Variants in PCDH15 observed in about 807,000 individuals in gnomAD.
The protein encoded by PCDH15 is protocadherin-15.
In PCDH15, 129 loss-of-function variants were observed where a neutral mutation model predicts 178.5. The observed-to-expected ratio is 0.72, with a 90% CI of 0.63 to 0.84. PCDH15 has a LOEUF of 0.84. PCDH15 is among the 40% of genes least tolerant of loss of function. PCDH15 has a pLI of 0.00. For synonymous variants in PCDH15, 800 were observed against 732.0 expected, an observed-to-expected ratio of 1.09 and a Z score of -1.50; for missense variants, 2,230 against 2,099.9, an observed-to-expected ratio of 1.06 and a Z score of -1.21.
chr10:54,877,095 A>G (rs960954661), intron 3 of PCDH15, among the ~76,000 whole-genome samples: 2 of 152,310 alleles, frequency 1.3e-5, no homozygotes, highest in South Asian at 2.1e-4. Flanking sequence ...ATACCTTCCA[A>G]TGACAAAAAG....
intron 21 of PCDH15, among the ~76,000 whole-genome samples, chr10:53,992,423 A>G (rs190182755): frequency 6.6e-6 from 1 of 152,336 alleles, no homozygotes; most frequent in East Asian, 1.9e-4. Flanking sequence ...TCTACTTTAA[A>G]CAAGAACCTT....
At chr10:54,275,323 T>C (rs920695850) in intron 8 of PCDH15, among the ~76,000 whole-genome samples, 1 of 151,924 alleles carries the variant, frequency 6.6e-6, no homozygotes, top group Admixed American at 6.6e-5. Flanking sequence ...CCAGTGATTC[T>C]TGAGGTAGAG....
rs185981773 is a variant in PCDH15 at position 54,034,620 on chromosome 10, T to C, written c.2221-11423A>G. On this transcript the variant is annotated intron_variant, in intron 18 of 37. Coordinates refer to ENST00000644397, the MANE Select transcript of PCDH15 (RefSeq NM_001384140.1). ...TGTTTCTCTATCTACTCCCTGGGAC[T>C]GCATTCAAAGAGCTAAGATGTACAC... Among the ~76,000 whole-genome samples the C allele has an allele frequency of 1.8e-4, 22 of 122,298 alleles. No homozygotes were observed. The Admixed American group carries it at 2.0e-3, about 11-fold the overall frequency. The allele number at this position is 122,298 out of a possible 152,430, so 80.2% of individuals were successfully genotyped here.
intron 3 of PCDH15, among the ~76,000 whole-genome samples, chr10:54,496,985 C>A (rs1425676114): frequency 6.6e-6 from 1 of 152,114 alleles, no homozygotes; most frequent in Admixed American, 6.6e-5. Flanking sequence ...GCAGTGCACT[C>A]TCCTGCAGTC....
intron 18 of PCDH15, among the ~76,000 whole-genome samples, chr10:54,057,279 C>T (rs2093914459): frequency 6.6e-6 from 1 of 152,248 alleles, no homozygotes; most frequent in African/African-American, 2.4e-5. Context: ...TTCCCTTCTG[C>T]ACTACCCTGG....
chr10:54,104,314 T>G (rs1035373860), intron 15 of PCDH15, among the ~76,000 whole-genome samples: 1 of 152,124 alleles, frequency 6.6e-6, no homozygotes, highest in African/African-American at 2.4e-5. Flanking sequence ...CACATCCCCA[T>G]TCCAAGTTGC....
At chr10:54,352,883 T>C (rs1944391909) in intron 5 of PCDH15, among the ~76,000 whole-genome samples, 1 of 152,116 alleles carries the variant, frequency 6.6e-6, no homozygotes, top group Non-Finnish European at 1.5e-5. Context: ...ATTCATCCTT[T>C]AACTTTCTCC....
intron 14 of PCDH15, among the ~76,000 whole-genome samples, chr10:54,149,363 G>A (rs143427370): frequency 6.6e-6 from 1 of 152,198 alleles, no homozygotes; most frequent in East Asian, 1.9e-4. Context: ...TAAATGGTTT[G>A]TTGGGCTGAA....
At chr10:54,938,246 A>G (rs1219012473) in intron 2 of PCDH15, among the ~76,000 whole-genome samples, 1 of 150,078 alleles carries the variant, frequency 6.7e-6, no homozygotes, top group African/African-American at 2.4e-5. Flanking sequence ...TATATTCATT[A>G]AAGATATTAC....
intron 3 of PCDH15, among the ~76,000 whole-genome samples, chr10:54,410,151 A>T (rs10430538): frequency 4.0e-5 from 6 of 151,500 alleles, no homozygotes; most frequent in East Asian, 2.0e-4. Context: ...TCAGGAAAAC[A>T]GGGCTGGGTT....
chr10:54,611,796 C>G (rs2134253322), intron 2 of PCDH15, among the ~76,000 whole-genome samples: 1 of 151,948 alleles, frequency 6.6e-6, no homozygotes, highest in South Asian at 2.1e-4. Flanking sequence ...TCTCATCTGT[C>G]TAAGTCAGTC....
At chr10:54,022,647 G>A (rs1313640226) in intron 19 of PCDH15, among the ~76,000 whole-genome samples, 1 of 152,022 alleles carries the variant, frequency 6.6e-6, no homozygotes. Context: ...CTATTAAAAA[G>A]TATATTTTTA....
At chr10:55,446,562 A>G (rs1248263792) in intron 2 of PCDH15, among the ~76,000 whole-genome samples, 1 of 152,076 alleles carries the variant, frequency 6.6e-6, no homozygotes, top group Non-Finnish European at 1.5e-5. Context: ...GAGTTCTAGC[A>G]TGTGGTGGAT....
intron 3 of PCDH15, among the ~76,000 whole-genome samples, chr10:54,527,056 T>C (rs561047419): frequency 6.1e-4 from 93 of 152,212 alleles, no homozygotes; most frequent in Non-Finnish European, 1.1e-3. Flanking sequence ...GCAGACAAAA[T>C]GAGCCACAGA....
At chr10:55,541,280 T>A (rs1841754257) in intron 2 of PCDH15, among the ~76,000 whole-genome samples, 1 of 152,038 alleles carries the variant, frequency 6.6e-6, no homozygotes, top group Non-Finnish European at 1.5e-5. Context: ...AAGATCTAGG[T>A]ATGTTGACTC....
intron 1 of PCDH15, among the ~76,000 whole-genome samples, chr10:54,745,448 A>ACGAT (rs1945333311): frequency 6.6e-6 from 1 of 152,172 alleles, no homozygotes; most frequent in African/African-American, 2.4e-5. Context: ...CAACAGTTAT[A>ACGAT]CGATCTCTCT....
chr10:54,074,720 G>C (rs1049610468), intron 17 of PCDH15, among the ~76,000 whole-genome samples: 3 of 152,148 alleles, frequency 2.0e-5, no homozygotes. Flanking sequence ...ATGAAAGTGT[G>C]ATTGGGGGCT....
intron 2 of PCDH15, among the ~76,000 whole-genome samples, chr10:55,501,987 TTTC>T (rs1200266621): frequency 6.6e-6 from 1 of 151,724 alleles, no homozygotes; most frequent in Non-Finnish European, 1.5e-5. Flanking sequence ...TCTTATGTAA[TTTC>T]TTTACATCCT....
chr10:54,268,839 T>C (rs1272186572), intron 8 of PCDH15, among the ~76,000 whole-genome samples: 1 of 151,896 alleles, frequency 6.6e-6, no homozygotes, highest in Non-Finnish European at 1.5e-5. Context: ...ATTTAAGATA[T>C]TTTTTGATGA....
Sources: gnomAD v4.1 joint callset for allele counts (sites outside exome capture counted in the v4.1 genomes callset) on GRCh38, gnomAD v4.1.1 for gene constraint, MANE v1.5 for transcripts, NCBI Gene and HGNC (gene_info 2026-07-23, HGNC 2026-07-21) for gene names.